SH3TC1: variants seen among roughly 807,000 people sequenced by gnomAD.
The protein encoded by SH3TC1 is SH3 domain and tetratricopeptide repeats 1, also known as SH3 domain and tetratricopeptide repeat-containing protein 1.
A neutral mutation model predicts 117.3 loss-of-function variants in SH3TC1; 135 were observed. That is an observed-to-expected ratio of 1.15 (90% CI 1.00 to 1.33). SH3TC1 has a LOEUF of 1.33. Among genes scored for constraint, SH3TC1 ranks in the 40% most tolerant of loss-of-function variants. The pLI is 0.00. For synonymous variants in SH3TC1, 898 were observed against 816.9 expected (o/e 1.10, Z -1.69); for missense variants, 2,092 against 1,794.3 (o/e 1.17, Z -3.00).
rs560911487 is a variant in SH3TC1, at chr4:8,211,327, C to T, written c.248-1374C>T. ...CCCTCCTCCCTCCTTCTCCCCCTCC[C>T]GGTGTCTCCCCTCTCCCCCTCCTGG... is the stretch of plus-strand genomic sequence containing the variant. On this transcript the variant is annotated intron_variant, in intron 3 of 17. Transcript: ENST00000245105. Among the ~76,000 whole-genome samples, 48 of 37,524 alleles carry T rather than the reference C, an allele frequency of 1.3e-3. 1 individual carries two copies. The highest frequency in any genetic ancestry group is 2.0e-3 in the Non-Finnish European group (32 of 16,222). 24.6% of individuals were successfully genotyped at this position (37,524 alleles called of 152,430 possible).
In SH3TC1 at chr4:8,225,041, C is replaced by T. The variant is rs2152990223; in HGVS notation, c.1244-134C>T. 1 of 1,087,012 alleles carries T rather than the reference C, an allele frequency of 9.2e-7. No homozygotes were observed. Among genetic ancestry groups the T allele is most frequent in the Non-Finnish European group, 1.4e-6 (1 of 739,390 alleles). The allele number at this position is 1,087,012 out of a possible 1,614,324, so 67.3% of individuals were successfully genotyped here. On this transcript the variant is annotated intron_variant, in intron 10 of 17. Transcript: ENST00000245105. This position sits in a 1 kb window ranked among gnomAD's most constrained non-coding sequence, Gnocchi z 5.5. ...ACACTCCAGCCCGCAACACCAGCAC[C>T]CTGCAACATCTCAGCCCTCAATACC...
intron 8 of SH3TC1, among the ~76,000 whole-genome samples, 182 bp downstream of exon 8, chr4:8,218,529 A>G (rs745521828): frequency 6.6e-6 from 1 of 152,162 alleles, no homozygotes; most frequent in African/African-American, 2.4e-5. Context: ...TTTTGTACCA[A>G]CCGAGTCTTC....
rs908674649 is a variant in SH3TC1 at position 8,192,871 on chromosome 4, A to C, written c.-57+10661A>C. 1.3e-5 allele frequency among the ~76,000 whole-genome samples: 2 copies of C among 152,158 alleles called. No homozygotes were observed. Among genetic ancestry groups the C allele is most frequent in the African/African-American group, 4.8e-5 (2 of 41,426 alleles). On this transcript the variant is annotated intron_variant, in intron 1 of 16. Transcript: ENST00000508641. The surrounding 1 kb of genome is among the most constrained non-coding windows in gnomAD (Gnocchi z 4.1). ...CACCTGGTGATTGGCTTCTCTGTGC[A>C]TATATTTGCACAGTTGCAGGCATGA...
chr4:8,217,237 A>C (rs757722531), intron 7 of SH3TC1, 70 bp downstream of exon 7: 8 of 1,533,166 alleles, frequency 5.2e-6, no homozygotes, highest in Non-Finnish European at 7.1e-6. Flanking sequence ...GGTCATCTGG[A>C]GGTCAAGGGG....
chr4:8,183,457 G>T lies in SH3TC1; in HGVS notation c.-57+1247G>T, dbSNP rs1717138244. 6.6e-6 allele frequency among the ~76,000 whole-genome samples: 1 copy of T among 152,220 alleles called. No homozygotes were observed. Among genetic ancestry groups the T allele is most frequent in the Non-Finnish European group, 1.5e-5 (1 of 68,032 alleles). ...GAGGCGTGGCCCAGGGAGGCTCCCGGGCTGGCCTGAGGCCCATGGCAAGCA... is the reference window on the plus strand; with the variant it reads ...GAGGCGTGGCCCAGGGAGGCTCCCGTGCTGGCCTGAGGCCCATGGCAAGCA... On this transcript the variant is annotated intron_variant, in intron 1 of 16. Coordinates refer to the SH3TC1 transcript ENST00000508641. The surrounding 1 kb of genome is among the most constrained non-coding windows in gnomAD (Gnocchi z 5.4).
intron 1 of SH3TC1, among the ~76,000 whole-genome samples, chr4:8,188,770 C>T (rs979198972): frequency 3.9e-5 from 6 of 152,240 alleles, no homozygotes; most frequent in African/African-American, 9.6e-5. Flanking sequence ...GACACCCCAG[C>T]GGGTTAGCAG....
Position 8,212,733 on chromosome 4 carries a change from A to G in SH3TC1, c.280A>G (p.Lys94Glu), listed in dbSNP as rs1313297172. ...LTLQLLAVRR[K>E]SRLRDPGLQQ... ...CCTGCAGCTGCTGGCTGTGCGGAGG[A>G]AGAGCAGACTGCGGGACCCCGGCCT... is the stretch of plus-strand genomic sequence containing the variant. The change falls in exon 4 of 18, where the codon AAG becomes GAG. Residue 94 changes from lysine to glutamate, a missense_variant. Coordinates refer to ENST00000245105, the MANE Select transcript of SH3TC1 (RefSeq NM_018986.5). 1.2e-6 allele frequency: 2 copies of G among 1,612,890 alleles called. No individual in the cohort carries two copies. The highest frequency in any genetic ancestry group is 2.7e-5 in the African/African-American group (2 of 75,018).
chr4:8,238,541 G>A (rs985813473), intron 17 of SH3TC1, among the ~76,000 whole-genome samples: 2 of 152,182 alleles, frequency 1.3e-5, no homozygotes, highest in Admixed American at 6.5e-5. Context: ...AGAACAACAT[G>A]AGGAGCTGCG....
In SH3TC1 at chr4:8,227,588, C is replaced by T; in HGVS notation, c.1894C>T (p.Leu632=). 6.6e-7 allele frequency: 1 copy of T among 1,520,640 alleles called. No homozygotes were observed. Among genetic ancestry groups the T allele is most frequent in the Non-Finnish European group, 8.8e-7 (1 of 1,137,024 alleles). 94.2% of individuals were successfully genotyped at this position (1,520,640 alleles called of 1,614,324 possible). ...QVVPKAMALL[L]GTPDHICSTE... ...GGTGCCCAAAGCCATGGCCCTGCTC[C>T]TGGGGACGCCTGACCACATCTGCAG... The change falls in exon 12 of 18, where the codon CTG becomes TTG. Residue 632 remains leucine, a synonymous_variant. Transcript: ENST00000245105.
Position 8,218,795 on chromosome 4 carries a change from C to T in SH3TC1, c.916+448C>T, listed in dbSNP as rs144277145. 2.1e-3 allele frequency among the ~76,000 whole-genome samples: 315 copies of T among 152,380 alleles called. 2 individuals are homozygous for T. The highest frequency in any genetic ancestry group is 6.8e-3 in the Middle Eastern group (2 of 294). On this transcript the variant is annotated intron_variant, in intron 8 of 17. Coordinates refer to ENST00000245105, the MANE Select transcript of SH3TC1 (RefSeq NM_018986.5). Reference sequence around the variant, plus strand: ...ACGTGCACTAACAGAGGACCGTGACCGCGTCCTCTTTATGAAAAGCTGGCA... The same window carrying T: ...ACGTGCACTAACAGAGGACCGTGACTGCGTCCTCTTTATGAAAAGCTGGCA...
intron 1 of SH3TC1, among the ~76,000 whole-genome samples, chr4:8,185,051 G>A (rs373276009): frequency 1.1e-4 from 17 of 148,368 alleles, no homozygotes; most frequent in South Asian, 1.1e-3. Flanking sequence ...TATGATTTGC[G>A]TACATAGGGT....
At chr4:8,204,460 C>T (rs769307917) in intron 1 of SH3TC1, among the ~76,000 whole-genome samples, 2 of 152,244 alleles carry the variant, frequency 1.3e-5, no homozygotes, top group Non-Finnish European at 2.9e-5. Flanking sequence ...GACTTGAAAA[C>T]TGCCCTGGCC....
At position 8,227,668 on chromosome 4, in the gene SH3TC1, C is replaced by A; in HGVS notation, c.1974C>A (p.Gly658=). ...LQLALRRAVG[G]QSLQAEARAC... ...TGGCGCTGCGGCGGGCGGTGGGTGG[C>A]CAGAGCCTGCAGGCCGAGGCCCGGG... Residue 658 remains glycine, a synonymous_variant, in exon 12 of 18, where the codon GGC becomes GGA. Coordinates refer to ENST00000245105, the MANE Select transcript of SH3TC1 (RefSeq NM_018986.5). 1.3e-6 allele frequency: 2 copies of A among 1,535,592 alleles called. No homozygotes were observed. The highest frequency in any genetic ancestry group is 1.8e-6 in the Non-Finnish European group (2 of 1,141,912).
upstream of SH3TC1, among the ~76,000 whole-genome samples, chr4:8,195,389 G>A (rs1480767190): frequency 6.6e-6 from 1 of 152,198 alleles, no homozygotes; most frequent in African/African-American, 2.4e-5. Flanking sequence ...GTGTGCTTCT[G>A]CCCCAGTGTC....
chr4:8,218,172 C>G, intron 7 of SH3TC1, 99 bp from the exon 8 acceptor site: 1 of 757,826 alleles, frequency 1.3e-6, no homozygotes, highest in East Asian at 2.7e-5. Flanking sequence ...GGGACCTGCT[C>G]AGGTTGCTGG....
Position 8,210,746 on chromosome 4 carries a change from GAAAAAAAAAA to G in SH3TC1, c.247+943_247+952del, listed in dbSNP as rs56288444. On this transcript the variant is annotated intron_variant, in intron 3 of 17. Coordinates refer to ENST00000245105, the MANE Select transcript of SH3TC1 (RefSeq NM_018986.5). The surrounding 1 kb of genome is among the most constrained non-coding windows in gnomAD (Gnocchi z 4.1). ...TTGCACTCCAGCCTGGGCAACTTCT[GAAAAAAAAAA>G]AAAAAAAAAAAAAAAAAAGGCCGTC... Among the ~76,000 whole-genome samples the G allele has an allele frequency of 2.5e-4, 10 of 39,796 alleles. No individual in the cohort carries two copies. Among genetic ancestry groups the G allele is most frequent in the African/African-American group, 7.8e-4 (8 of 10,206 alleles). The allele number at this position is 39,796 out of a possible 152,430, so 26.1% of individuals were successfully genotyped here. A position where few individuals can be genotyped will look rare whatever the true frequency, so the allele number is the denominator to read the frequency against.
In SH3TC1 at chr4:8,209,854, G is replaced by A; in HGVS notation, c.247+32G>A. ...ATCCTGGGCCCTACACAGGGCTTCA[G>A]GTTCAAATCCGGGCTGTGCCGCTCC... is the stretch of plus-strand genomic sequence containing the variant. On this transcript the variant is annotated intron_variant, in intron 3 of 17. Coordinates refer to ENST00000245105, the MANE Select transcript of SH3TC1 (RefSeq NM_018986.5). This position sits in a 1 kb window ranked among gnomAD's most constrained non-coding sequence, Gnocchi z 5.9. 1 of 1,605,646 alleles carries A rather than the reference G, an allele frequency of 6.2e-7. No homozygotes were observed. Among genetic ancestry groups the A allele is most frequent in the Non-Finnish European group, 8.5e-7 (1 of 1,175,784 alleles).
At chr4:8,216,796 C>T (rs1206434549) in intron 6 of SH3TC1, among the ~76,000 whole-genome samples, 161 bp from the exon 7 acceptor site, 1 of 152,176 alleles carries the variant, frequency 6.6e-6, no homozygotes, top group Non-Finnish European at 1.5e-5. Context: ...CCTGGGCCCA[C>T]CTCTCCTTCT....
At chr4:8,222,374 T>G (rs1179222220) in intron 9 of SH3TC1, among the ~76,000 whole-genome samples, 17 of 137,352 alleles carry the variant, frequency 1.2e-4, no homozygotes, top group South Asian at 2.6e-4. Context: ...TTTTTTTTTT[T>G]TTTTTTTTTT....
Sources: gnomAD v4.1 joint callset for allele counts (sites outside exome capture counted in the v4.1 genomes callset) on GRCh38, gnomAD v4.1.1 for gene constraint, Gnocchi (gnomAD v3.1) non-coding constraint, MANE v1.5 for transcripts, NCBI Gene and HGNC (gene_info 2026-07-23, HGNC 2026-07-21) for gene names.